The following AKAP19 variants were observed in gnomAD, a reference collection of about 807,000 sequenced individuals.
AKAP19 encodes A-kinase anchoring protein 19, also known as small A-kinase anchoring protein.
At chr2:189,879,735 T>C in the AKAP19 span, 1 of 152,100 alleles carries the variant, frequency 6.6e-6, no homozygotes, top group African/African-American at 2.4e-5. Context: ...GGCGAGGAGA[T>C]CCGAAGGAAA....
chr2:190,194,785 G>A, the AKAP19 span, among the ~76,000 whole-genome samples: 1 of 152,118 alleles, frequency 6.6e-6, no homozygotes, highest in Non-Finnish European at 1.5e-5. Context: ...TAATCATACA[G>A]CATGTACCCC....
chr2:190,001,215 T>G, the AKAP19 span, among the ~76,000 whole-genome samples: 4 of 152,224 alleles, frequency 2.6e-5, no homozygotes, highest in Non-Finnish European at 4.4e-5. Context: ...CTGTTGGTTC[T>G]TTGTTGTCAT....
chr2:190,167,290 G>A, the AKAP19 span, among the ~76,000 whole-genome samples: 5 of 152,066 alleles, frequency 3.3e-5, no homozygotes, highest in African/African-American at 7.2e-5. Flanking sequence ...GACTTACCAC[G>A]AGAACAGCAC....
the AKAP19 span, among the ~76,000 whole-genome samples, chr2:190,142,368 T>C: frequency 2.0e-5 from 3 of 152,226 alleles, no homozygotes; most frequent in South Asian, 4.1e-4. Context: ...TTGGAACACA[T>C]TACTTACTTG....
the AKAP19 span, among the ~76,000 whole-genome samples, chr2:190,029,244 G>T: frequency 2.6e-5 from 4 of 151,956 alleles, no homozygotes; most frequent in African/African-American, 9.7e-5. Context: ...TAGAGATGGG[G>T]TTTCACCATG....
At chr2:190,128,214 C>T in the AKAP19 span, among the ~76,000 whole-genome samples, 1 of 152,120 alleles carries the variant, frequency 6.6e-6, no homozygotes, top group East Asian at 1.9e-4. Flanking sequence ...TTTTAGAGAA[C>T]ATTATTTAAT....
chr2:190,167,735 C>G, the AKAP19 span, among the ~76,000 whole-genome samples: 3 of 152,206 alleles, frequency 2.0e-5, no homozygotes, highest in African/African-American at 4.8e-5. Context: ...AAAATGAACT[C>G]CTTTGACTCC....
the AKAP19 span, among the ~76,000 whole-genome samples, chr2:190,187,581 C>T: frequency 1.3e-5 from 2 of 152,072 alleles, no homozygotes; most frequent in Non-Finnish European, 2.9e-5. Context: ...AAGGGCTAGG[C>T]AGGCATGGTG....
chr2:190,078,184 T>C, the AKAP19 span, among the ~76,000 whole-genome samples: 1 of 152,220 alleles, frequency 6.6e-6, no homozygotes, highest in Non-Finnish European at 1.5e-5. Flanking sequence ...AGATGGCTTT[T>C]CTCTTAGTTT....
At chr2:190,036,876 T>C in the AKAP19 span, among the ~76,000 whole-genome samples, 3 of 152,216 alleles carry the variant, frequency 2.0e-5, no homozygotes, top group Non-Finnish European at 4.4e-5. Flanking sequence ...TTTAACCAGG[T>C]GCAACATTAT....
the AKAP19 span, among the ~76,000 whole-genome samples, chr2:189,955,363 T>C: frequency 3.3e-5 from 5 of 152,202 alleles, no homozygotes; most frequent in African/African-American, 1.2e-4. Flanking sequence ...AATCCAGTTA[T>C]CCATTGATGG....
the AKAP19 span, among the ~76,000 whole-genome samples, chr2:189,945,678 T>C: frequency 0.012 from 1,770 of 152,332 alleles, 28 homozygotes; most frequent in East Asian, 0.07. Flanking sequence ...TGAAATTACA[T>C]TGTAAATTAT....
chr2:190,020,244 C>A, the AKAP19 span, among the ~76,000 whole-genome samples: 2 of 151,826 alleles, frequency 1.3e-5, no homozygotes, highest in African/African-American at 4.8e-5. Flanking sequence ...AAACTTGGGA[C>A]CAAAGATTAA....
At chr2:189,912,964 A>T in the AKAP19 span, among the ~76,000 whole-genome samples, 6 of 152,166 alleles carry the variant, frequency 3.9e-5, no homozygotes, top group Non-Finnish European at 8.8e-5. Context: ...GCTGTAGAGT[A>T]TTTTATTTTA....
At chr2:190,125,474 T>A in the AKAP19 span, among the ~76,000 whole-genome samples, 1 of 152,178 alleles carries the variant, frequency 6.6e-6, no homozygotes, top group Non-Finnish European at 1.5e-5. Flanking sequence ...TAGAACAGCT[T>A]TCTACAAAGT....
the AKAP19 span, among the ~76,000 whole-genome samples, chr2:189,975,741 A>C: frequency 8.6e-4 from 131 of 152,006 alleles, no homozygotes; most frequent in African/African-American, 3.1e-3. Context: ...TTTGATCTTC[A>C]GTCACTGATA....
chr2:189,884,032 T>C, the AKAP19 span, among the ~76,000 whole-genome samples: 6 of 152,180 alleles, frequency 3.9e-5, no homozygotes, highest in Non-Finnish European at 7.4e-5. Context: ...TAAGACAAAG[T>C]AATGACTGGT....
chr2:189,908,802 T>C, the AKAP19 span, among the ~76,000 whole-genome samples: 2 of 152,220 alleles, frequency 1.3e-5, no homozygotes, highest in African/African-American at 2.4e-5. Flanking sequence ...GAATATTCCA[T>C]GTGTACTTTG....
the AKAP19 span, among the ~76,000 whole-genome samples, chr2:190,146,449 C>A: frequency 1.3e-5 from 2 of 152,118 alleles, no homozygotes; most frequent in South Asian, 2.1e-4. Flanking sequence ...GTGAATTGTG[C>A]CGCTATAAAC....
Sources: allele counts gnomAD v4.1 joint callset (sites outside exome capture counted in the v4.1 genomes callset), GRCh38; gene constraint gnomAD v4.1.1; transcripts MANE v1.5; gene names NCBI Gene and HGNC (gene_info 2026-07-23, HGNC 2026-07-21).